CDH13: variants seen among roughly 807,000 people sequenced by gnomAD.
The protein encoded by CDH13 is cadherin-13.
CDH13 carries 24 observed loss-of-function variants against 63.8 expected under a neutral mutation model. The ratio of observed to expected loss-of-function variants is 0.38; its 90% CI spans 0.27 to 0.53. CDH13 has a LOEUF of 0.53. Among genes scored for constraint, CDH13 ranks in the 20% least tolerant of loss-of-function variants. The pLI is 0.85. For synonymous variants in CDH13, 503 were observed against 355.3 expected (o/e 1.42, Z -4.67); for missense variants, 1,049 against 903.1 (o/e 1.16, Z -2.07).
At chr16:82,967,480 G>C (rs1908021985) in intron 2 of CDH13, among the ~76,000 whole-genome samples, 1 of 152,194 alleles carries the variant, frequency 6.6e-6, no homozygotes, top group African/African-American at 2.4e-5. Flanking sequence ...TCAGTAAGCA[G>C]TCCCTAAAGC....
Position 83,795,335 on chromosome 16 carries a change from C to T in CDH13, c.*305C>T, listed in dbSNP as rs568813344. ...TACTTTTTCTGGTGTGTTAACATGT[C>T]GCTAGCCAGTGCTCCAGGCACCCAG... On this transcript the variant is annotated 3_prime_UTR_variant, in exon 14 of 14. Coordinates refer to ENST00000567109, the MANE Select transcript of CDH13 (RefSeq NM_001257.5). 6 of 379,612 alleles carry T rather than the reference C, an allele frequency of 1.6e-5. No individual in the cohort carries two copies. The highest frequency in any genetic ancestry group is 6.8e-5 in the South Asian group (2 of 29,208). The allele number at this position is 379,612 out of a possible 1,614,324, so 23.5% of individuals were successfully genotyped here. A position where few individuals can be genotyped will look rare whatever the true frequency, so the allele number is the denominator to read the frequency against.
At chr16:82,781,081 T>G (rs1567526955) in intron 1 of CDH13, among the ~76,000 whole-genome samples, 1 of 152,242 alleles carries the variant, frequency 6.6e-6, no homozygotes, top group East Asian at 1.9e-4. Flanking sequence ...CATTGATTTT[T>G]TTTAAGTGTA....
intron 8 of CDH13, among the ~76,000 whole-genome samples, chr16:83,656,049 G>A (rs72628280): frequency 0.023 from 3,475 of 152,186 alleles, 174 homozygotes; most frequent in East Asian, 0.22. Context: ...TTCATCACCC[G>A]AGGGGAAACT....
intron 1 of CDH13, among the ~76,000 whole-genome samples, chr16:82,675,163 T>C (rs1350024053): frequency 6.6e-6 from 1 of 152,188 alleles, no homozygotes; most frequent in Non-Finnish European, 1.5e-5. Flanking sequence ...TTGAAAAAAA[T>C]GTGTAAAAGA....
At chr16:83,749,266 G>A (rs947047363) in intron 11 of CDH13, among the ~76,000 whole-genome samples, 24 of 152,234 alleles carry the variant, frequency 1.6e-4, no homozygotes, top group African/African-American at 3.1e-4. Flanking sequence ...CCTGGTCCTC[G>A]TATGCCGGCT....
chr16:82,800,262 G>C (rs1033379258), intron 1 of CDH13, among the ~76,000 whole-genome samples: 1 of 152,136 alleles, frequency 6.6e-6, no homozygotes, highest in East Asian at 1.9e-4. Context: ...GAATGAGGAA[G>C]TTGGGTCTCA....
chr16:82,802,057 T>C (rs928466674), intron 1 of CDH13, among the ~76,000 whole-genome samples: 3 of 152,138 alleles, frequency 2.0e-5, no homozygotes, highest in Non-Finnish European at 2.9e-5. Context: ...ACATATAGGC[T>C]GGCTCAGAGC....
intron 4 of CDH13, among the ~76,000 whole-genome samples, chr16:83,199,200 T>C (rs1035246354): frequency 6.6e-6 from 1 of 152,234 alleles, no homozygotes; most frequent in Non-Finnish European, 1.5e-5. Flanking sequence ...TTGTGACAGT[T>C]AGCACCCACG....
At position 83,336,300 on chromosome 16, in the gene CDH13, C is replaced by CAAAAAA. The variant is rs376325733; in HGVS notation, c.637-8549_637-8544dup. Among the ~76,000 whole-genome samples the CAAAAAA allele has an allele frequency of 9.2e-3, 452 of 48,938 alleles. 9 individuals are homozygous for CAAAAAA. The highest frequency in any genetic ancestry group is 0.03 in the African/African-American group (432 of 14,410). The allele number at this position is 48,938 out of a possible 152,430, so 32.1% of individuals were successfully genotyped here. A position where few individuals can be genotyped will look rare whatever the true frequency, so the allele number is the denominator to read the frequency against. ...TGGGTGACAGAGCAAGACTCCATCT[C>CAAAAAA]AAAAAAAAAAAAAAAAAAGAAATTT... On this transcript the variant is annotated intron_variant, in intron 5 of 13. Transcript: ENST00000567109.
At chr16:82,697,035 A>G (rs757246813) in intron 1 of CDH13, among the ~76,000 whole-genome samples, 1 of 152,216 alleles carries the variant, frequency 6.6e-6, no homozygotes, top group Non-Finnish European at 1.5e-5. Flanking sequence ...AGAGAAAACC[A>G]AGGAAGGAAC....
rs8182125 is a variant in CDH13, at chr16:83,602,392, C to G, written c.961-62C>G. ...ACAGCTCCAGCAACACGCCTGCCAC[C>G]TTTCCAAAGCAGTAACCCAAATCTA... is the stretch of plus-strand genomic sequence containing the variant. On this transcript the variant is annotated intron_variant, in intron 7 of 13. Transcript: ENST00000567109. 1.6e-5 allele frequency: 25 copies of G among 1,581,248 alleles called. 2 individuals are homozygous for G. The Admixed American group carries it at 3.5e-4, about 22-fold the overall frequency.
intron 10 of CDH13, among the ~76,000 whole-genome samples, chr16:83,711,565 G>T (rs1332784776): frequency 6.6e-6 from 1 of 152,084 alleles, no homozygotes; most frequent in Non-Finnish European, 1.5e-5. Context: ...ACCCATACTG[G>T]AGTATAGTGG....
chr16:83,696,476 C>A (rs545780497), intron 10 of CDH13, among the ~76,000 whole-genome samples: 1 of 152,218 alleles, frequency 6.6e-6, no homozygotes, highest in East Asian at 1.9e-4. Context: ...CCTTCAAGCC[C>A]ACACTGGATC....
At chr16:83,418,209 C>G (rs1417096705) in intron 6 of CDH13, among the ~76,000 whole-genome samples, 1 of 152,132 alleles carries the variant, frequency 6.6e-6, no homozygotes, top group East Asian at 1.9e-4. Context: ...GGAGGGCGGT[C>G]TCACCTCTCT....
At chr16:82,805,199 A>G (rs62036822) in intron 1 of CDH13, among the ~76,000 whole-genome samples, 16,316 of 152,168 alleles carry the variant, frequency 0.11, 1,204 homozygotes, top group East Asian at 0.33. Flanking sequence ...GGACTGTGCT[A>G]TGATAGCTGT....
chr16:83,699,943 T>C (rs780860754), intron 10 of CDH13, among the ~76,000 whole-genome samples: 4 of 152,318 alleles, frequency 2.6e-5, no homozygotes, highest in Admixed American at 6.5e-5. Context: ...GGAGATGTGA[T>C]TGACATGCAA....
At chr16:83,389,153 G>C (rs1019321098) in intron 6 of CDH13, among the ~76,000 whole-genome samples, 62 of 152,164 alleles carry the variant, frequency 4.1e-4, no homozygotes, top group Non-Finnish European at 4.4e-5. Flanking sequence ...GAATCACTCA[G>C]ATTGCTTTTC....
At chr16:82,748,255 C>G (rs2034265093) in intron 1 of CDH13, among the ~76,000 whole-genome samples, 2 of 152,204 alleles carry the variant, frequency 1.3e-5, no homozygotes, top group Admixed American at 1.3e-4. Context: ...GGAAATTAGT[C>G]TCATTATTGC....
chr16:82,776,229 G>A (rs181758656), intron 1 of CDH13, among the ~76,000 whole-genome samples: 12 of 146,270 alleles, frequency 8.2e-5, no homozygotes, highest in African/African-American at 2.5e-4. Flanking sequence ...AAGGGATGAA[G>A]GAAGGAAGGA....
Sources: gnomAD v4.1 joint callset for allele counts (sites outside exome capture counted in the v4.1 genomes callset) on GRCh38, gnomAD v4.1.1 for gene constraint, MANE v1.5 for transcripts, NCBI Gene and HGNC (gene_info 2026-07-23, HGNC 2026-07-21) for gene names.